The following EFCAB6 variants were observed in gnomAD, a reference collection of about 807,000 sequenced individuals.
EFCAB6 encodes EF-hand calcium-binding domain-containing protein 6.
EFCAB6 carries 156 observed loss-of-function variants against 169.8 expected under a neutral mutation model. The observed-to-expected ratio is 0.92, with a 90% CI of 0.81 to 1.05. The LOEUF is 1.05. Among genes scored for constraint, EFCAB6 ranks in the 50% least tolerant of loss-of-function variants. EFCAB6 has a pLI of 0.00. For missense variants in EFCAB6, 1,800 were observed against 1,829.1 expected (o/e 0.98, Z 0.29); for synonymous variants, 698 against 676.4 (o/e 1.03, Z -0.50).
In EFCAB6 at chr22:43,632,122, G is replaced by T. The variant is rs577391393; in HGVS notation, c.2215C>A (p.Leu739Met). ...CGGTTTACCCGGAATGACTCCTTCA[G>T]CCTCCTAGGGAAAAGCTTCAGGCAT... ...EECLKLFPRR[L>M]KESFRDPYSA... is the part of the protein sequence containing the mutation. The change falls in exon 19 of 32, where the codon CTG becomes ATG. Residue 739 changes from leucine to methionine, a missense_variant. Coordinates refer to ENST00000262726, the MANE Select transcript of EFCAB6 (RefSeq NM_022785.4). 2 of 1,613,992 alleles carry T rather than the reference G, an allele frequency of 1.2e-6. No individual in the cohort carries two copies. The highest frequency in any genetic ancestry group is 4.5e-5 in the East Asian group (2 of 44,870).
intron 17 of EFCAB6, among the ~76,000 whole-genome samples, chr22:43,666,149 C>A (rs112949510): frequency 0.013 from 2,055 of 152,272 alleles, 52 homozygotes; most frequent in African/African-American, 0.047. Flanking sequence ...ATTTCTGAGT[C>A]CTTCTTGAAT....
rs1173484893 is a variant in EFCAB6, at chr22:43,677,328, T to C, written c.1419+668A>G. Among the ~76,000 whole-genome samples the C allele has an allele frequency of 3.3e-5, 5 of 151,764 alleles. No individual in the cohort carries two copies. In the South Asian group the frequency reaches 6.2e-4, roughly 19 times the overall value. ...CTAAAAACATGAATGAGAACCAGAG[T>C]AGTCACTCACAAATACTCCTTTCAA... On this transcript the variant is annotated intron_variant, in intron 13 of 31. Coordinates refer to ENST00000262726, the MANE Select transcript of EFCAB6 (RefSeq NM_022785.4).
chr22:43,597,060 T>G (rs147915453), intron 23 of EFCAB6, among the ~76,000 whole-genome samples: 44 of 152,232 alleles, frequency 2.9e-4, no homozygotes, highest in Non-Finnish European at 4.7e-4. Context: ...GCAGAGGAAC[T>G]AAACTAGATC....
In EFCAB6 at chr22:43,591,284, C is replaced by T. The variant is rs556654203; in HGVS notation, c.2877-1055G>A. ...CAGCCTGGCCAACATGGTGAAACCC[C>T]GTCTCTCCTAAAAAACACAAAAATT... is the stretch of plus-strand genomic sequence containing the variant. On this transcript the variant is annotated intron_variant, in intron 23 of 31. Coordinates refer to ENST00000262726, the MANE Select transcript of EFCAB6 (RefSeq NM_022785.4). 1.1e-4 allele frequency among the ~76,000 whole-genome samples: 17 copies of T among 150,820 alleles called. 1 individual carries two copies. In the East Asian group the frequency reaches 1.6e-3, roughly 14 times the overall value.
intron 24 of EFCAB6, among the ~76,000 whole-genome samples, chr22:43,589,236 G>A (rs1602452187): frequency 7.3e-6 from 1 of 137,342 alleles, no homozygotes; most frequent in African/African-American, 2.9e-5. Context: ...CTGACACGGT[G>A]TAACCCCGTG....
chr22:43,608,352 C>G (rs2053062946), intron 22 of EFCAB6, 130 bp downstream of exon 22: 1 of 738,716 alleles, frequency 1.4e-6, no homozygotes. Context: ...GGAGATGAGA[C>G]AGATGCAACC....
At chr22:43,707,313 T>C (rs938667418) in intron 10 of EFCAB6, among the ~76,000 whole-genome samples, 1 of 152,164 alleles carries the variant, frequency 6.6e-6, no homozygotes, top group Non-Finnish European at 1.5e-5. Context: ...CCAATATTTA[T>C]GTAATGTAAT....
intron 20 of EFCAB6, among the ~76,000 whole-genome samples, chr22:43,622,873 T>C (rs2054202706): frequency 6.6e-6 from 1 of 152,214 alleles, no homozygotes; most frequent in African/African-American, 2.4e-5. Flanking sequence ...CCCAAAGTTC[T>C]ACAGTATTTC....
intron 22 of EFCAB6, among the ~76,000 whole-genome samples, chr22:43,603,788 A>AGGTCTAAT (rs2052708304): frequency 6.6e-6 from 1 of 152,228 alleles, no homozygotes; most frequent in African/African-American, 2.4e-5. Context: ...TCTTGGAGGG[A>AGGTCTAAT]GGTCTAATGA....
intron 6 of EFCAB6, among the ~76,000 whole-genome samples, chr22:43,746,613 A>C (rs2060572503): frequency 6.6e-6 from 1 of 152,144 alleles, no homozygotes; most frequent in South Asian, 2.1e-4. Flanking sequence ...AAGCTGAGGG[A>C]CTTACAAGGG....
chr22:43,677,516 C>T (rs1309460358), intron 13 of EFCAB6, among the ~76,000 whole-genome samples: 1 of 152,004 alleles, frequency 6.6e-6, no homozygotes, highest in Non-Finnish European at 1.5e-5. Flanking sequence ...CGTAGCAGCA[C>T]GTGCCTGTAG....
intron 6 of EFCAB6, among the ~76,000 whole-genome samples, chr22:43,752,587 T>C (rs2060811061): frequency 6.6e-6 from 1 of 152,182 alleles, no homozygotes; most frequent in Admixed American, 6.5e-5. Flanking sequence ...GTGATTGCTT[T>C]AGGTGTGGGG....
intron 3 of EFCAB6, among the ~76,000 whole-genome samples, chr22:43,776,982 A>G (rs1334005526): frequency 6.6e-6 from 1 of 152,206 alleles, no homozygotes; most frequent in African/African-American, 2.4e-5. Flanking sequence ...TTCAAGGTCT[A>G]GGAGGTAACT....
intron 17 of EFCAB6, among the ~76,000 whole-genome samples, chr22:43,665,269 G>A (rs752134803): frequency 5.9e-5 from 9 of 152,082 alleles, no homozygotes; most frequent in Non-Finnish European, 8.8e-5. Flanking sequence ...AGGTACAACC[G>A]GAAGCCAGAA....
In EFCAB6 at chr22:43,608,610, C is replaced by G; in HGVS notation, c.2563-10G>C. 5 of 1,611,928 alleles carry G rather than the reference C, an allele frequency of 3.1e-6. No homozygotes were observed. Among genetic ancestry groups the G allele is most frequent in the Non-Finnish European group, 4.2e-6 (5 of 1,178,008 alleles). ...CGGTTTCTAGAAAATTCTACAACAT[C>G]AGAATACGGTATTTAGGAACATGTG... On this transcript the variant is annotated splice_polypyrimidine_tract_variant and intron_variant, in intron 21 of 31. Transcript: ENST00000262726.
At chr22:43,592,893 A>G (rs2051673224) in intron 23 of EFCAB6, among the ~76,000 whole-genome samples, 1 of 152,244 alleles carries the variant, frequency 6.6e-6, no homozygotes, top group African/African-American at 2.4e-5. Context: ...AAGGCATGGA[A>G]AATAAATGCA....
chr22:43,612,425 C>A (rs59167840), intron 21 of EFCAB6, among the ~76,000 whole-genome samples: 7,185 of 152,068 alleles, frequency 0.047, 304 homozygotes, highest in South Asian at 0.16. Flanking sequence ...AGCATCTATA[C>A]GGAACTTAAA....
intron 17 of EFCAB6, among the ~76,000 whole-genome samples, chr22:43,650,937 G>T (rs1352316851): frequency 6.6e-6 from 1 of 151,948 alleles, no homozygotes; most frequent in Non-Finnish European, 1.5e-5. Context: ...GCATTCAAGA[G>T]GTGACTTGGG....
chr22:43,668,400 G>A (rs994807500), intron 16 of EFCAB6, among the ~76,000 whole-genome samples: 2 of 152,100 alleles, frequency 1.3e-5, no homozygotes, highest in Admixed American at 1.3e-4. Flanking sequence ...ATGTTTTATT[G>A]TTACAATTCA....
Sources: gnomAD v4.1 joint callset for allele counts (sites outside exome capture counted in the v4.1 genomes callset) on GRCh38, gnomAD v4.1.1 for gene constraint, MANE v1.5 for transcripts, NCBI Gene and HGNC (gene_info 2026-07-23, HGNC 2026-07-21) for gene names.